The following CPQ variants were observed in gnomAD, a reference collection of about 807,000 sequenced individuals.
CPQ encodes Ser-Met dipeptidase.
A neutral mutation model predicts 45.7 loss-of-function variants in CPQ; 37 were observed. The observed-to-expected ratio is 0.81, with a 90% CI of 0.62 to 1.07. The LOEUF is 1.07. CPQ is among the 50% of genes least tolerant of loss of function. The pLI is 0.00. For synonymous variants in CPQ, 186 were observed against 205.8 expected (o/e 0.90, Z 0.82); for missense variants, 537 against 572.9 (o/e 0.94, Z 0.64).
chr8:96,714,490 T>C (rs1809651342), intron 1 of CPQ, among the ~76,000 whole-genome samples: 1 of 152,188 alleles, frequency 6.6e-6, no homozygotes. Context: ...GAAGTTTTGA[T>C]TGGTTTTCCT....
At chr8:96,719,967 AC>A (rs1172542525) in intron 1 of CPQ, among the ~76,000 whole-genome samples, 1 of 152,094 alleles carries the variant, frequency 6.6e-6, no homozygotes, top group Non-Finnish European at 1.5e-5. Context: ...GAAGCCTGCC[AC>A]TTCATTCAAA....
intron 7 of CPQ, among the ~76,000 whole-genome samples, chr8:97,127,794 T>A (rs116132933): frequency 6.6e-6 from 1 of 152,204 alleles, no homozygotes; most frequent in Non-Finnish European, 1.5e-5. Context: ...ATAATGTGGA[T>A]GAATTCCCAA....
chr8:97,012,394 G>T (rs1809503474), intron 5 of CPQ, among the ~76,000 whole-genome samples: 1 of 152,088 alleles, frequency 6.6e-6, no homozygotes, highest in Admixed American at 6.6e-5. Context: ...TAAATGTTGG[G>T]GCATGTTCTT....
At chr8:96,700,218 G>A (rs1261517215) in intron 1 of CPQ, among the ~76,000 whole-genome samples, 1 of 152,084 alleles carries the variant, frequency 6.6e-6, no homozygotes, top group African/African-American at 2.4e-5. Context: ...CCTTCTGCTT[G>A]CGTGGCTGCA....
intron 7 of CPQ, among the ~76,000 whole-genome samples, chr8:97,140,253 A>C (rs1280526780): frequency 6.6e-5 from 10 of 152,064 alleles, no homozygotes; most frequent in Non-Finnish European, 1.2e-4. Context: ...TTGAATCATT[A>C]GTTAAAATTG....
chr8:97,053,924 T>C (rs1424842994), intron 6 of CPQ, among the ~76,000 whole-genome samples: 2 of 151,928 alleles, frequency 1.3e-5, no homozygotes, highest in East Asian at 1.9e-4. Flanking sequence ...GTGGATTGCA[T>C]ATGGAGTATG....
intron 1 of CPQ, among the ~76,000 whole-genome samples, chr8:96,649,055 C>T (rs1010415167): frequency 5.3e-5 from 8 of 152,244 alleles, no homozygotes; most frequent in Admixed American, 1.3e-4. Context: ...GATCTCACTG[C>T]GACTTCCGCC....
intron 7 of CPQ, among the ~76,000 whole-genome samples, chr8:97,108,231 T>C (rs996117977): frequency 6.6e-5 from 10 of 152,230 alleles, no homozygotes; most frequent in Non-Finnish European, 1.5e-4. Context: ...CTGGCATAGT[T>C]TCTCCATGAG....
intron 4 of CPQ, among the ~76,000 whole-genome samples, chr8:96,882,171 C>G (rs908068074): frequency 1.3e-5 from 2 of 152,152 alleles, no homozygotes; most frequent in African/African-American, 4.8e-5. Flanking sequence ...GGACTCTTTT[C>G]CCTCTTCTAA....
intron 4 of CPQ, among the ~76,000 whole-genome samples, chr8:96,901,018 G>A (rs1812506118): frequency 6.6e-6 from 1 of 152,038 alleles, no homozygotes. Flanking sequence ...TGGCTCCTTG[G>A]AGAGATATAT....
chr8:96,909,237 T>A (rs1252792282), intron 4 of CPQ, among the ~76,000 whole-genome samples: 1 of 151,986 alleles, frequency 6.6e-6, no homozygotes, highest in Admixed American at 6.6e-5. Flanking sequence ...TGATATCATA[T>A]GCAACCGCTG....
intron 5 of CPQ, among the ~76,000 whole-genome samples, chr8:96,969,503 A>G (rs1488982499): frequency 2.0e-5 from 3 of 152,260 alleles, no homozygotes; most frequent in Admixed American, 6.5e-5. Context: ...AAACAGACCA[A>G]CATGGCTTGG....
At chr8:96,933,957 C>G (rs1446157850) in intron 4 of CPQ, among the ~76,000 whole-genome samples, 1 of 152,134 alleles carries the variant, frequency 6.6e-6, no homozygotes, top group Non-Finnish European at 1.5e-5. Flanking sequence ...GCTACCACAA[C>G]TGTAATGATT....
At chr8:96,954,233 T>C (rs1207912659) in intron 4 of CPQ, among the ~76,000 whole-genome samples, 1 of 152,136 alleles carries the variant, frequency 6.6e-6, no homozygotes, top group East Asian at 1.9e-4. Context: ...AAATGCACAA[T>C]TGAGAAAAAA....
At chr8:96,694,674 A>C (rs1809348150) in intron 1 of CPQ, among the ~76,000 whole-genome samples, 1 of 152,176 alleles carries the variant, frequency 6.6e-6, no homozygotes, top group Non-Finnish European at 1.5e-5. Context: ...CTGAATGACC[A>C]GTGGGTCATT....
intron 1 of CPQ, among the ~76,000 whole-genome samples, chr8:96,733,389 A>G (rs1306773960): frequency 6.6e-6 from 1 of 152,154 alleles, no homozygotes; most frequent in Non-Finnish European, 1.5e-5. Flanking sequence ...AGGGATTTTA[A>G]TCCTTCACTT....
At chr8:96,660,563 T>TTCTA (rs1815687858) in intron 1 of CPQ, among the ~76,000 whole-genome samples, 1 of 152,144 alleles carries the variant, frequency 6.6e-6, no homozygotes, top group African/African-American at 2.4e-5. Flanking sequence ...TAGAAAATAC[T>TTCTA]GATTTGGGGG....
At chr8:96,988,749 A>G (rs1809035221) in intron 5 of CPQ, among the ~76,000 whole-genome samples, 1 of 152,224 alleles carries the variant, frequency 6.6e-6, no homozygotes, top group Admixed American at 6.5e-5. Flanking sequence ...GAAGGAGGTA[A>G]AGAAGATCAA....
chr8:96,664,711 C>A (rs1808897494), intron 1 of CPQ, among the ~76,000 whole-genome samples: 1 of 152,136 alleles, frequency 6.6e-6, no homozygotes, highest in Admixed American at 6.5e-5. Flanking sequence ...AATGAAAATG[C>A]TGTTGAAATC....
Sources: allele counts gnomAD v4.1 joint callset (sites outside exome capture counted in the v4.1 genomes callset), GRCh38; gene constraint gnomAD v4.1.1; transcripts MANE v1.5; gene names NCBI Gene and HGNC (gene_info 2026-07-23, HGNC 2026-07-21).